NRG1: variants seen among roughly 807,000 people sequenced by gnomAD.
NRG1 encodes neuregulin 1, also known as pro-neuregulin-1, membrane-bound isoform.
Under a neutral mutation model 63.8 loss-of-function variants are expected in NRG1, and 18 were observed. The observed-to-expected ratio is 0.28, with a 90% confidence interval of 0.19 to 0.42. The LOEUF (loss-of-function observed/expected upper bound fraction) is 0.42, where lower values mean the gene tolerates loss of function less well. Among genes scored for constraint, NRG1 ranks in the 10% least tolerant of loss-of-function variants. The pLI is 1.00. For missense variants in NRG1, 762 were observed against 814.7 expected (o/e 0.94, Z 0.79); for synonymous variants, 302 against 301.3 (o/e 1.00, Z -0.02).
chr8:32,594,366 A>T (rs1843004550), intron 1 of NRG1, among the ~76,000 whole-genome samples: 2 of 152,124 alleles, frequency 1.3e-5, no homozygotes, highest in South Asian at 4.1e-4. Flanking sequence ...CTTTTCTGAG[A>T]CTCAGGAAAC....
At chr8:32,289,866 C>T (rs371429085) in intron 1 of NRG1, among the ~76,000 whole-genome samples, 7 of 152,164 alleles carry the variant, frequency 4.6e-5, no homozygotes, top group African/African-American at 1.2e-4. Context: ...ATCATTTACT[C>T]GATTTAACAT....
chr8:31,817,306 G>T (rs1823551894), intron 1 of NRG1, among the ~76,000 whole-genome samples: 1 of 152,166 alleles, frequency 6.6e-6, no homozygotes, highest in Non-Finnish European at 1.5e-5. Context: ...ACTCCTAACA[G>T]GGCTCCCTGG....
At chr8:32,024,209 C>CG (rs1431768676) in intron 1 of NRG1, among the ~76,000 whole-genome samples, 1 of 152,170 alleles carries the variant, frequency 6.6e-6, no homozygotes, top group African/African-American at 2.4e-5. Context: ...TGTCTTGAAT[C>CG]GGGAGAGTTA....
intron 1 of NRG1, among the ~76,000 whole-genome samples, chr8:31,971,598 A>C (rs2129628980): frequency 6.6e-6 from 1 of 152,302 alleles, no homozygotes; most frequent in Admixed American, 6.5e-5. Flanking sequence ...GGTTTTCCTA[A>C]CCAACAGTAG....
chr8:32,653,538 C>G (rs1210204570), intron 5 of NRG1, among the ~76,000 whole-genome samples: 1 of 152,190 alleles, frequency 6.6e-6, no homozygotes, highest in Non-Finnish European at 1.5e-5. Flanking sequence ...ACTATCTAAT[C>G]AAACCATTGG....
chr8:31,771,772 G>T (rs1023522808), intron 1 of NRG1, among the ~76,000 whole-genome samples: 2 of 152,124 alleles, frequency 1.3e-5, no homozygotes, highest in Non-Finnish European at 2.9e-5. Context: ...AATCTTCTTG[G>T]TACCTGAGGG....
chr8:32,337,898 G>A (rs1236881982), intron 1 of NRG1, among the ~76,000 whole-genome samples: 4 of 152,060 alleles, frequency 2.6e-5, no homozygotes, highest in Admixed American at 6.6e-5. Flanking sequence ...TGACTTATGT[G>A]GGGTCACAGA....
chr8:32,076,716 T>G (rs1586928728), intron 1 of NRG1, among the ~76,000 whole-genome samples: 1 of 47,988 alleles, frequency 2.1e-5, no homozygotes, highest in East Asian at 1.2e-3. Context: ...CACCTGAACT[T>G]AAGTAAAAAA....
At chr8:32,501,008 C>G (rs1358843160) in intron 1 of NRG1, among the ~76,000 whole-genome samples, 1 of 152,214 alleles carries the variant, frequency 6.6e-6, no homozygotes. Flanking sequence ...TCAGCAGAAG[C>G]CTGTACTCCA....
At chr8:32,134,823 A>G (rs1835297829) in intron 1 of NRG1, among the ~76,000 whole-genome samples, 1 of 152,106 alleles carries the variant, frequency 6.6e-6, no homozygotes, top group Admixed American at 6.6e-5. Context: ...TCCAGGATAC[A>G]GTGAGCTATG....
intron 1 of NRG1, among the ~76,000 whole-genome samples, chr8:32,001,122 A>G (rs1003361210): frequency 4.6e-5 from 7 of 152,032 alleles, no homozygotes; most frequent in African/African-American, 1.2e-4. Context: ...ATTTGTTACA[A>G]TAAGTGAGTA....
chr8:31,983,661 A>G (rs1809559123), intron 1 of NRG1, among the ~76,000 whole-genome samples: 1 of 152,034 alleles, frequency 6.6e-6, no homozygotes, highest in South Asian at 2.1e-4. Context: ...ACAAAGGTGA[A>G]TAACACCTAA....
intron 1 of NRG1, among the ~76,000 whole-genome samples, chr8:32,323,006 A>T (rs1307023348): frequency 6.6e-6 from 1 of 152,024 alleles, no homozygotes; most frequent in African/African-American, 2.4e-5. Flanking sequence ...AACACCCAAC[A>T]CCACCTAACT....
chr8:31,932,486 C>G (rs1834949171), intron 1 of NRG1, among the ~76,000 whole-genome samples: 2 of 152,070 alleles, frequency 1.3e-5, no homozygotes, highest in Non-Finnish European at 2.9e-5. Flanking sequence ...TTTCAGAATC[C>G]TAGGAGGATT....
rs577404583 is a variant in NRG1, at chr8:31,931,164, C to G, written c.37+291733C>G. On this transcript the variant is annotated intron_variant, in intron 1 of 10. Coordinates refer to the NRG1 transcript ENST00000519301. ...TAGGGTGATGGGCTACTATTGCTTT[C>G]TCTCTCCTAATATATTGAGTACACC... Among the ~76,000 whole-genome samples, 371 of 152,236 alleles carry G rather than the reference C, an allele frequency of 2.4e-3. 1 individual carries two copies. The highest frequency in any genetic ancestry group is 8.5e-3 in the African/African-American group (353 of 41,548).
At chr8:32,209,085 C>A (rs549584304) in intron 1 of NRG1, among the ~76,000 whole-genome samples, 1 of 152,110 alleles carries the variant, frequency 6.6e-6, no homozygotes, top group Admixed American at 6.5e-5. Flanking sequence ...AACTTAACAT[C>A]TCTGCTCTTC....
rs190729621 is a variant in NRG1, at chr8:32,691,689, G to A, written c.503-36260G>A. On this transcript the variant is annotated intron_variant, in intron 5 of 11. Transcript: ENST00000356819. ...ACTTTGGGAAAATGTAACTTTTTGA[G>A]TTGTAAGATCATGTAAAAGTTAAAT... is the stretch of plus-strand genomic sequence containing the variant. Among the ~76,000 whole-genome samples the A allele has an allele frequency of 6.7e-3, 1,026 of 152,294 alleles. 5 individuals carry two copies. The highest frequency in any genetic ancestry group is 0.01 in the Middle Eastern group (3 of 294).
chr8:32,764,224 T>C lies in NRG1; in HGVS notation c.1736T>C (p.Val579Ala). The stretch of plus-strand genomic sequence containing the variant: ...GAGAGTGAAACAGAAGATGAAAGAG[T>C]AGGTGAAGATACGCCTTTCCTGGGC... Residue 579 changes from valine (V) to alanine (A), a missense_variant, in exon 12 of 12, where the codon GTA becomes GCA. By Grantham distance (64) the Val-to-Ala change is moderately conservative. Around this residue, in one of 3 missense-constraint regions of NRG1, gnomAD observed 503 missense variants for 506.8 expected, o/e 0.99. Transcript: ENST00000356819. The C allele has an allele frequency of 3.7e-6, 6 of 1,613,406 alleles. No individual in the cohort carries two copies. In the African/African-American group the frequency reaches 4.0e-5, roughly 11 times the overall value.
intron 1 of NRG1, among the ~76,000 whole-genome samples, chr8:32,068,208 A>T (rs1245252783): frequency 6.6e-6 from 1 of 152,216 alleles, no homozygotes; most frequent in Non-Finnish European, 1.5e-5. Context: ...TATCTTCTGT[A>T]AAATATGAAA....
Sources: allele counts gnomAD v4.1 joint callset (sites outside exome capture counted in the v4.1 genomes callset), GRCh38; gene constraint gnomAD v4.1.1; regional missense constraint gnomAD v4.1.1; transcripts MANE v1.5; gene names NCBI Gene and HGNC (gene_info 2026-07-23, HGNC 2026-07-21).